The following IMPDH1 variants were observed in gnomAD, a reference collection of about 807,000 sequenced individuals.
IMPDH1 encodes the protein inosine monophosphate dehydrogenase 1.
IMPDH1 carries 41 observed loss-of-function variants against 73.5 expected under a neutral mutation model. The ratio of observed to expected loss-of-function variants is 0.56; its 90% confidence interval spans 0.43 to 0.72. IMPDH1 has a LOEUF of 0.72. Among genes scored for constraint, IMPDH1 ranks in the 30% least tolerant of loss-of-function variants. IMPDH1 has a pLI of 0.00. For synonymous variants in IMPDH1, 318 were observed against 334.3 expected (o/e 0.95, Z 0.53); for missense variants, 645 against 824.8 (o/e 0.78, Z 2.67).
chr7:128,409,949 C>T lies in IMPDH1; in HGVS notation c.-48G>A. 3 of 1,320,798 alleles carry T rather than the reference C, an allele frequency of 2.3e-6. No individual in the cohort carries two copies. The highest frequency in any genetic ancestry group is 2.9e-6 in the Non-Finnish European group (3 of 1,040,258). 81.8% of individuals were successfully genotyped at this position (1,320,798 alleles called of 1,614,324 possible). On this transcript the variant is annotated 5_prime_UTR_variant, in exon 1 of 17. Transcript: ENST00000338791. ...GGCGGGAGCCTGGAGGCTCCCGGGGCCCCGGCTGGGCAGTGAGCGCAGCCC... is the reference window on the plus strand; with the variant it reads ...GGCGGGAGCCTGGAGGCTCCCGGGGTCCCGGCTGGGCAGTGAGCGCAGCCC...
At chr7:128,401,775 A>C (rs1429070604) in intron 5 of IMPDH1, among the ~76,000 whole-genome samples, 1 of 152,196 alleles carries the variant, frequency 6.6e-6, no homozygotes, top group African/African-American at 2.4e-5. Context: ...CAGGAAAGCA[A>C]GCAACGAATG....
In IMPDH1 at chr7:128,396,637, C is replaced by A; in HGVS notation, c.1224G>T (p.Val408=). Residue 408 remains valine, a synonymous_variant, in exon 12 of 17, where the codon GTG becomes GTT. Coordinates refer to ENST00000338791, the MANE Select transcript of IMPDH1 (RefSeq NM_000883.4). The surrounding 1 kb of genome is among the most constrained non-coding windows in gnomAD (Gnocchi z 4.0). The part of the protein sequence containing the change: ...LIDAGVDGLR[V]GMGCGSICIT... ...TGCAGATGGAGCCGCAGCCCATGCC[C>A]ACGCGCAGCCCGTCCACACCAGCAT... is the stretch of plus-strand genomic sequence containing the variant. The A allele has an allele frequency of 1.3e-6, 2 of 1,555,648 alleles. No homozygotes were observed. Among genetic ancestry groups the A allele is most frequent in the Non-Finnish European group, 1.7e-6 (2 of 1,148,936 alleles).
At chr7:128,397,811 G>A (rs1798033685) in intron 10 of IMPDH1, among the ~76,000 whole-genome samples, 1 of 151,986 alleles carries the variant, frequency 6.6e-6, no homozygotes, top group South Asian at 2.1e-4. Context: ...GTGAGAATTG[G>A]GCTTCAAGTG....
At position 128,402,318 on chromosome 7, in the gene IMPDH1, GT is replaced by G. The variant is rs905493804; in HGVS notation, c.403-1203del. Among the ~76,000 whole-genome samples, 88 of 152,228 alleles carry G rather than the reference GT, an allele frequency of 5.8e-4. 1 individual carries two copies. Among genetic ancestry groups the G allele is most frequent in the African/African-American group, 2.0e-3 (83 of 41,536 alleles). On this transcript the variant is annotated intron_variant, in intron 5 of 16. Coordinates refer to ENST00000338791, the MANE Select transcript of IMPDH1 (RefSeq NM_000883.4). ...GGGTTTCACCATGTTGGCCAGGCTG[GT>G]CTCAAACTCCTGACCTCAGGTGATC... is the stretch of plus-strand genomic sequence containing the variant.
chr7:128,393,015 G>A lies in IMPDH1; in HGVS notation c.1792C>T (p.Leu598=), dbSNP rs1323196163. The A allele has an allele frequency of 1.2e-6, 2 of 1,613,774 alleles. No homozygotes were observed. The highest frequency in any genetic ancestry group is 1.7e-6 in the Non-Finnish European group (2 of 1,179,854). Residue 598 remains leucine (L), a synonymous_variant, in exon 17 of 17, where the codon CTG becomes TTG. Transcript: ENST00000338791. ...GGCCTCCACCGCTGTCCTCAGTACA[G>A]CCGCTTTTCGTAACTGTGGGGACAA... ...VHGLHSYEKR[L]Y is the part of the protein sequence containing the mutation.
rs1235796891 is a variant in IMPDH1 at position 128,396,713 on chromosome 7, G to A, written c.1166-18C>T. On this transcript the variant is annotated intron_variant, in intron 11 of 16. Coordinates refer to ENST00000338791, the MANE Select transcript of IMPDH1 (RefSeq NM_000883.4). The surrounding 1 kb of genome is among the most constrained non-coding windows in gnomAD (Gnocchi z 4.0). Reference sequence around the variant, plus strand: ...TGTCACCACTGGGGGTGGGGATGGGGCAGAGGAACAATGTGAGGATGGGAT... The same window carrying A: ...TGTCACCACTGGGGGTGGGGATGGGACAGAGGAACAATGTGAGGATGGGAT... The A allele has an allele frequency of 3.2e-6, 5 of 1,542,702 alleles. No homozygotes were observed. The highest frequency in any genetic ancestry group is 3.9e-5 in the Admixed American group (2 of 51,036).
In IMPDH1 at chr7:128,394,948, C is replaced by T. The variant is rs1489825047; in HGVS notation, c.1491G>A (p.Arg497=). The T allele has an allele frequency of 1.9e-6, 3 of 1,613,796 alleles. 1 individual carries two copies. In the South Asian group the frequency reaches 3.3e-5, roughly 18 times the overall value. Residue 497 remains arginine (R), a synonymous_variant, in exon 14 of 17, where the codon CGG becomes CGA. Coordinates refer to ENST00000338791, the MANE Select transcript of IMPDH1 (RefSeq NM_000883.4). This position sits in a 1 kb window ranked among gnomAD's most constrained non-coding sequence, Gnocchi z 5.5. The part of the protein sequence containing the change: ...FSDGVRLKKY[R]GMGSLDAMEK... ...CCATGGCATCCAGTGAGCCCATGCC[C>T]CGGTACTTCTTGAGCCGCACCCCGT... is the stretch of plus-strand genomic sequence containing the variant.
intron 4 of IMPDH1, among the ~76,000 whole-genome samples, chr7:128,404,993 G>A (rs1798608087): frequency 2.0e-5 from 3 of 152,214 alleles, no homozygotes; most frequent in Admixed American, 1.3e-4. Flanking sequence ...AGGGCTGGCA[G>A]GAGACAAGGC....
Position 128,396,078 on chromosome 7 carries a change from T to A in IMPDH1, c.1261+522A>T, listed in dbSNP as rs1351354319. 6.6e-6 allele frequency among the ~76,000 whole-genome samples: 1 copy of A among 151,996 alleles called. No individual in the cohort carries two copies. Among genetic ancestry groups the A allele is most frequent in the Non-Finnish European group, 1.5e-5 (1 of 67,976 alleles). On this transcript the variant is annotated intron_variant, in intron 12 of 16. Transcript: ENST00000338791. The surrounding 1 kb of genome is among the most constrained non-coding windows in gnomAD (Gnocchi z 4.0). ...GTCTTCCAGGCAGCCACCCCACAAG[T>A]CAGATACCAGCCTCCAGGGAGCACC...
chr7:128,407,458 C>T (rs1798850986), intron 3 of IMPDH1, among the ~76,000 whole-genome samples: 1 of 152,196 alleles, frequency 6.6e-6, no homozygotes, highest in South Asian at 2.1e-4. Flanking sequence ...GGAGCCCGGG[C>T]CACATGGGGG....
intron 5 of IMPDH1, among the ~76,000 whole-genome samples, chr7:128,402,227 C>T (rs1344562287): frequency 1.3e-5 from 2 of 152,066 alleles, no homozygotes; most frequent in East Asian, 3.9e-4. Context: ...CTCAGCCTCC[C>T]GAGTAGCTGG....
At chr7:128,407,043 T>C (rs1798823276) in intron 3 of IMPDH1, among the ~76,000 whole-genome samples, 1 of 152,146 alleles carries the variant, frequency 6.6e-6, no homozygotes. Flanking sequence ...TTCCCTCTTA[T>C]GGGACCAGAA....
chr7:128,393,139 G>T lies in IMPDH1; in HGVS notation c.1779-111C>A, dbSNP rs531046395. 25 of 1,226,124 alleles carry T rather than the reference G, an allele frequency of 2.0e-5. No homozygotes were observed. The African/African-American group carries it at 3.4e-4, about 17-fold the overall frequency. 76.0% of individuals were successfully genotyped at this position (1,226,124 alleles called of 1,614,324 possible). On this transcript the variant is annotated intron_variant, in intron 16 of 16. Coordinates refer to ENST00000338791, the MANE Select transcript of IMPDH1 (RefSeq NM_000883.4). ...GTAGGAGAGAACAGAGAGCTGAGAA[G>T]CCCTGAGATCTCAGCCGTACGGCGC...
chr7:128,396,792 C>T lies in IMPDH1; in HGVS notation c.1166-97G>A, dbSNP rs905598909. The T allele has an allele frequency of 5.7e-6, 7 of 1,228,072 alleles. 1 individual carries two copies. Among genetic ancestry groups the T allele is most frequent in the South Asian group, 1.3e-5 (1 of 77,128 alleles). The allele number at this position is 1,228,072 out of a possible 1,614,324, so 76.1% of individuals were successfully genotyped here. A position where few individuals can be genotyped will look rare whatever the true frequency, so the allele number is the denominator to read the frequency against. On this transcript the variant is annotated intron_variant, in intron 11 of 16. Coordinates refer to ENST00000338791, the MANE Select transcript of IMPDH1 (RefSeq NM_000883.4). The surrounding 1 kb of genome is among the most constrained non-coding windows in gnomAD (Gnocchi z 4.0). ...ACCCCAGTCTAGCACCCCCCAACCC[C>T]CCTACAGTGACCAAAGCCCATCATG...
In IMPDH1 at chr7:128,403,310, C is replaced by T. The variant is rs117279922; in HGVS notation, c.402+396G>A. Among the ~76,000 whole-genome samples, 653 of 152,318 alleles carry T rather than the reference C, an allele frequency of 4.3e-3. 5 individuals are homozygous for T. Among genetic ancestry groups the T allele is most frequent in the South Asian group, 0.033 (161 of 4,834 alleles). ...GGTGGAATCACCCCTGTAATCACAG[C>T]GTCTTCGGAGGCTGAGGCGGACGGA... is the stretch of plus-strand genomic sequence containing the variant. On this transcript the variant is annotated intron_variant, in intron 5 of 16. Coordinates refer to ENST00000338791, the MANE Select transcript of IMPDH1 (RefSeq NM_000883.4).
Position 128,392,884 on chromosome 7 carries a change from C to A in IMPDH1, c.*123G>T. 1 of 971,288 alleles carries A rather than the reference C, an allele frequency of 1.0e-6. No individual in the cohort carries two copies. Among genetic ancestry groups the A allele is most frequent in the South Asian group, 1.4e-5 (1 of 73,698 alleles). 60.2% of individuals were successfully genotyped at this position (971,288 alleles called of 1,614,324 possible). On this transcript the variant is annotated 3_prime_UTR_variant, in exon 17 of 17. Transcript: ENST00000338791. Reference sequence around the variant, plus strand: ...CCTCAGGACCTCCCCTCCTCTCTGCCTGGAAAGGAGCTGGAGAACCCGTAG... The same window carrying A: ...CCTCAGGACCTCCCCTCCTCTCTGCATGGAAAGGAGCTGGAGAACCCGTAG...
At chr7:128,405,958 C>T (rs891413120) in intron 3 of IMPDH1, 93 bp from the exon 4 acceptor site, 2 of 1,179,394 alleles carry the variant, frequency 1.7e-6, no homozygotes, top group Non-Finnish European at 1.1e-6. Context: ...CGCCGCGCCG[C>T]GGCCACGCTG....
rs1797962689 is a variant in IMPDH1 at position 128,396,967 on chromosome 7, T to C, written c.1130A>G (p.Gln377Arg). The part of the protein sequence containing the change: ...YQIAMVHYIK[Q>R]KYPHLQVIGG... ...AATCACCTGGAGGTGGGGGTACTTC[T>C]GTTTGATGTAATGCACCATGGCGAT... Residue 377 changes from glutamine (Q) to arginine (R), a missense_variant, in exon 11 of 17, where the codon CAG becomes CGG. Gln to Arg is a conservative substitution (Grantham distance 43, BLOSUM62 1). Coordinates refer to ENST00000338791, the MANE Select transcript of IMPDH1 (RefSeq NM_000883.4). The surrounding 1 kb of genome is among the most constrained non-coding windows in gnomAD (Gnocchi z 4.0). 1 of 1,614,012 alleles carries C rather than the reference T, an allele frequency of 6.2e-7. No homozygotes were observed. Among genetic ancestry groups the C allele is most frequent in the Non-Finnish European group, 8.5e-7 (1 of 1,179,976 alleles).
In IMPDH1 at chr7:128,400,393, G is replaced by A. The variant is rs753084534; in HGVS notation, c.726C>T (p.Ile242=). The stretch of plus-strand genomic sequence containing the variant: ...GAAAGTCGATGTCTCGGGAGGTGAC[G>A]ATGCCCACCAGCTTGCTGCCCATGG... ...TGTMGSKLVG[I]VTSRDIDFLA... The change falls in exon 8 of 17, where the codon ATC becomes ATT. Residue 242 remains isoleucine, a synonymous_variant. Transcript: ENST00000338791. 87 of 1,612,574 alleles carry A rather than the reference G, an allele frequency of 5.4e-5. No individual in the cohort carries two copies. The highest frequency in any genetic ancestry group is 2.7e-4 in the Admixed American group (16 of 59,910).
Sources: allele counts gnomAD v4.1 joint callset (sites outside exome capture counted in the v4.1 genomes callset), GRCh38; gene constraint gnomAD v4.1.1; non-coding constraint Gnocchi (gnomAD v3.1); transcripts MANE v1.5; gene names NCBI Gene and HGNC (gene_info 2026-07-23, HGNC 2026-07-21).